CPLX2: variants seen among roughly 807,000 people sequenced by gnomAD.
CPLX2 encodes complexin-2.
CPLX2 carries 5 observed loss-of-function variants against 16.3 expected under a neutral mutation model. The ratio of observed to expected loss-of-function variants is 0.31; its 90% CI spans 0.16 to 0.64. The LOEUF (loss-of-function observed/expected upper bound fraction) is 0.64, where lower values mean the gene tolerates loss of function less well. Among genes scored for constraint, CPLX2 ranks in the 30% least tolerant of loss-of-function variants. The pLI is 0.79. For missense variants in CPLX2, 144 were observed against 181.4 expected (o/e 0.79, Z 1.18); for synonymous variants, 89 against 73.2 (o/e 1.22, Z -1.10).
intron 2 of CPLX2, among the ~76,000 whole-genome samples, chr5:175,814,955 G>A (rs1056817551): frequency 2.0e-5 from 3 of 152,208 alleles, no homozygotes; most frequent in Admixed American, 6.5e-5. Flanking sequence ...GACTGCTTCC[G>A]AGATTGAACG....
intron 1 of CPLX2, among the ~76,000 whole-genome samples, chr5:175,877,919 GC>G (rs1389837302): frequency 6.6e-6 from 1 of 152,186 alleles, no homozygotes; most frequent in Non-Finnish European, 1.5e-5. Flanking sequence ...TGCCTGCAAG[GC>G]CCGTGCTAGG....
intron 2 of CPLX2, among the ~76,000 whole-genome samples, chr5:175,812,824 A>T (rs1758337371): frequency 6.6e-6 from 1 of 152,206 alleles, no homozygotes; most frequent in Admixed American, 6.5e-5. Flanking sequence ...TCAACCACAA[A>T]AGCTTCGCTT....
chr5:175,866,915 A>G (rs1759488869), upstream of CPLX2, among the ~76,000 whole-genome samples: 1 of 152,050 alleles, frequency 6.6e-6, no homozygotes, highest in Admixed American at 6.6e-5. Context: ...TCCACAGAAA[A>G]TAAAAAAAAT....
chr5:175,851,042 AC>A (rs1487095265), intron 2 of CPLX2, among the ~76,000 whole-genome samples: 1 of 151,952 alleles, frequency 6.6e-6, no homozygotes, highest in African/African-American at 2.4e-5. Context: ...TTAAGGAACC[AC>A]AGAGATGGTA....
chr5:175,829,201 G>C (rs1758681565), intron 2 of CPLX2, among the ~76,000 whole-genome samples: 1 of 152,188 alleles, frequency 6.6e-6, no homozygotes, highest in South Asian at 2.1e-4. Flanking sequence ...TTTTGCGTTT[G>C]ATTTTTACAA....
At chr5:175,817,617 C>T (rs373077860) in intron 2 of CPLX2, among the ~76,000 whole-genome samples, 12 of 152,114 alleles carry the variant, frequency 7.9e-5, no homozygotes, top group African/African-American at 1.7e-4. Context: ...ATTACTCCCA[C>T]GATGTTTGTG....
chr5:175,851,655 G>C (rs1759157600), intron 2 of CPLX2, among the ~76,000 whole-genome samples: 1 of 152,232 alleles, frequency 6.6e-6, no homozygotes, highest in Non-Finnish European at 1.5e-5. Flanking sequence ...AGCCATGGGG[G>C]CCACCAAGAT....
In CPLX2 at chr5:175,878,651, G is replaced by T; in HGVS notation, c.-88-1G>T. 6.7e-7 allele frequency: 1 copy of T among 1,482,834 alleles called. No homozygotes were observed. The highest frequency in any genetic ancestry group is 1.4e-5 in the African/African-American group (1 of 72,704). 91.9% of individuals were successfully genotyped at this position (1,482,834 alleles called of 1,614,324 possible). On this transcript the variant is annotated splice_acceptor_variant, in intron 1 of 3. Coordinates refer to ENST00000393745, the MANE Select transcript of CPLX2 (RefSeq NM_001008220.2). LOFTEE classifies it low-confidence loss of function (5UTR_SPLICE). Reference sequence around the variant, plus strand: ...ATCTGACTCCCAATTCTCTTCTGCAGGTTGTCACATCTTCCCAAGCCAGGC... The same window carrying T: ...ATCTGACTCCCAATTCTCTTCTGCATGTTGTCACATCTTCCCAAGCCAGGC...
intron 2 of CPLX2, among the ~76,000 whole-genome samples, chr5:175,864,452 C>A (rs1759429348): frequency 1.3e-5 from 2 of 152,220 alleles, no homozygotes; most frequent in South Asian, 4.1e-4. Context: ...AGAGCTCCCT[C>A]TTCACTAAGA....
intron 2 of CPLX2, among the ~76,000 whole-genome samples, chr5:175,811,257 G>C (rs1024088819): frequency 5.3e-5 from 8 of 152,200 alleles, no homozygotes; most frequent in Non-Finnish European, 1.0e-4. Context: ...ACCCAGGAAG[G>C]GTGGTTTGAA....
In CPLX2 at chr5:175,872,610, T is replaced by C. The variant is rs1759656914; in HGVS notation, c.-89+905T>C. 6.6e-6 allele frequency among the ~76,000 whole-genome samples: 1 copy of C among 152,028 alleles called. No homozygotes were observed. Among genetic ancestry groups the C allele is most frequent in the Non-Finnish European group, 1.5e-5 (1 of 67,994 alleles). On this transcript the variant is annotated intron_variant, in intron 1 of 3. Transcript: ENST00000393745. The surrounding 1 kb of genome is among the most constrained non-coding windows in gnomAD (Gnocchi z 5.0). Reference sequence around the variant, plus strand: ...GGGAACCCCCGGCCACTTCCGCTTTTCAGCCGGAGTCGGCTCCCTACCTCC... The same window carrying C: ...GGGAACCCCCGGCCACTTCCGCTTTCCAGCCGGAGTCGGCTCCCTACCTCC...
intron 2 of CPLX2, among the ~76,000 whole-genome samples, chr5:175,853,609 G>C (rs932816197): frequency 3.3e-5 from 5 of 152,192 alleles, no homozygotes; most frequent in African/African-American, 7.2e-5. Context: ...GTCTCTCGGA[G>C]GTAAAATTAT....
chr5:175,824,774 G>C (rs1187055266), intron 2 of CPLX2, among the ~76,000 whole-genome samples: 1 of 152,238 alleles, frequency 6.6e-6, no homozygotes, highest in Non-Finnish European at 1.5e-5. Flanking sequence ...AAGAAATTGA[G>C]CATCAAAGAG....
chr5:175,849,077 C>A lies in CPLX2; in HGVS notation c.-88-29575C>A, dbSNP rs931189923. On this transcript the variant is annotated intron_variant, in intron 2 of 4. Transcript: ENST00000359546. The surrounding 1 kb of genome is among the most constrained non-coding windows in gnomAD (Gnocchi z 4.4). ...CAAACAGAGGTGTGTCGTGATCTAACTTACACTTCTCAGGATCCCTCCTCT... is the reference window on the plus strand; with the variant it reads ...CAAACAGAGGTGTGTCGTGATCTAAATTACACTTCTCAGGATCCCTCCTCT... Among the ~76,000 whole-genome samples the A allele has an allele frequency of 3.3e-5, 5 of 152,210 alleles. No homozygotes were observed. The highest frequency in any genetic ancestry group is 1.2e-4 in the African/African-American group (5 of 41,444).
chr5:175,880,187 C>G lies in CPLX2; in HGVS notation c.*142C>G, dbSNP rs946462238. 21 of 852,042 alleles carry G rather than the reference C, an allele frequency of 2.5e-5. No homozygotes were observed. Among genetic ancestry groups the G allele is most frequent in the Non-Finnish European group, 4.1e-5 (21 of 509,468 alleles). 52.8% of individuals were successfully genotyped at this position (852,042 alleles called of 1,614,324 possible). On this transcript the variant is annotated 3_prime_UTR_variant, in exon 4 of 4. Transcript: ENST00000393745. Reference sequence around the variant, plus strand: ...CTCTTCCCTGGCCAGGGGCTTCTCCCCCTCAGCTCTCCCTCACACCTCCCT... The same window carrying G: ...CTCTTCCCTGGCCAGGGGCTTCTCCGCCTCAGCTCTCCCTCACACCTCCCT...
intron 2 of CPLX2, among the ~76,000 whole-genome samples, chr5:175,865,669 C>T (rs922169507): frequency 1.3e-5 from 2 of 152,188 alleles, no homozygotes; most frequent in African/African-American, 2.4e-5. Flanking sequence ...TATGGCTCCA[C>T]GATCCAGTTT....
chr5:175,803,842 G>A (rs1336645414), intron 1 of CPLX2, among the ~76,000 whole-genome samples: 1 of 152,220 alleles, frequency 6.6e-6, no homozygotes, highest in Admixed American at 6.5e-5. Context: ...TCAGCCAAGG[G>A]GCAGGCCAAG....
chr5:175,816,326 C>T (rs1758407325), intron 2 of CPLX2, among the ~76,000 whole-genome samples: 8 of 152,178 alleles, frequency 5.3e-5, no homozygotes, highest in Admixed American at 5.2e-4. Flanking sequence ...CATCACCATG[C>T]CCAGCTAATT....
intron 2 of CPLX2, among the ~76,000 whole-genome samples, chr5:175,812,833 T>G (rs11951157): frequency 0.24 from 36,213 of 152,166 alleles, 5,319 homozygotes; most frequent in African/African-American, 0.41. Flanking sequence ...AAAGCTTCGC[T>G]TTTATCTGTT....
Sources: gnomAD v4.1 joint callset for allele counts (sites outside exome capture counted in the v4.1 genomes callset) on GRCh38, gnomAD v4.1.1 for gene constraint, Gnocchi (gnomAD v3.1) non-coding constraint, MANE v1.5 for transcripts, NCBI Gene and HGNC (gene_info 2026-07-23, HGNC 2026-07-21) for gene names.